BMP2K: variants seen among roughly 807,000 people sequenced by gnomAD.
The protein encoded by BMP2K is BMP2 inducible kinase, also known as BMP-2-inducible protein kinase.
In BMP2K, 74 loss-of-function variants were observed where a neutral mutation model predicts 116.0. The ratio of observed to expected loss-of-function variants is 0.64; its 90% CI spans 0.53 to 0.77. The LOEUF (loss-of-function observed/expected upper bound fraction) is 0.77, where lower values mean the gene tolerates loss of function less well. BMP2K is among the 30% of genes least tolerant of loss of function. The pLI is 0.00. For synonymous variants in BMP2K, 486 were observed against 502.5 expected (o/e 0.97, Z 0.44); for missense variants, 1,365 against 1,403.6 (o/e 0.97, Z 0.44).
chr4:78,806,910 A>G (rs1728849602), intron 1 of BMP2K, among the ~76,000 whole-genome samples: 1 of 149,660 alleles, frequency 6.7e-6, no homozygotes, highest in Non-Finnish European at 1.5e-5. Context: ...GTGCAGTGGC[A>G]TGTCCTCGGC....
chr4:78,776,556 T>C lies in BMP2K; in HGVS notation c.13T>C (p.Ser5Pro). 1 of 1,145,064 alleles carries C rather than the reference T, an allele frequency of 8.7e-7. No individual in the cohort carries two copies. The highest frequency in any genetic ancestry group is 1.1e-6 in the Non-Finnish European group (1 of 928,510). The allele number at this position is 1,145,064 out of a possible 1,614,324, so 70.9% of individuals were successfully genotyped here. A position where few individuals can be genotyped will look rare whatever the true frequency, so the allele number is the denominator to read the frequency against. Residue 5 changes from serine (S) to proline (P), a missense_variant, in exon 1 of 16, where the codon TCT becomes CCT. Coordinates refer to ENST00000502613, the MANE Select transcript of BMP2K (RefSeq NM_198892.2). MKKF[S>P]RMPKSEGGSG... is the part of the protein sequence containing the mutation. ...CGCCGGCGGGACCATGAAGAAGTTC[T>C]CTCGGATGCCCAAGTCGGAGGGCGG...
intron 1 of BMP2K, among the ~76,000 whole-genome samples, chr4:78,823,382 A>G (rs1729713260): frequency 6.6e-6 from 1 of 151,516 alleles, no homozygotes; most frequent in Admixed American, 6.6e-5. Context: ...ATTTGGGGGA[A>G]CTCTTTTCCC....
intron 1 of BMP2K, among the ~76,000 whole-genome samples, chr4:78,822,567 G>C (rs972391580): frequency 6.6e-6 from 1 of 151,932 alleles, no homozygotes; most frequent in Non-Finnish European, 1.5e-5. Flanking sequence ...ATCAATATCT[G>C]TCACAATTTT....
chr4:78,776,528 G>C lies in BMP2K; in HGVS notation c.-16G>C, dbSNP rs1317030522. 1.9e-5 allele frequency: 22 copies of C among 1,140,320 alleles called. No homozygotes were observed. Among genetic ancestry groups the C allele is most frequent in the Non-Finnish European group, 2.3e-5 (21 of 926,054 alleles). The allele number at this position is 1,140,320 out of a possible 1,614,324, so 70.6% of individuals were successfully genotyped here. A position where few individuals can be genotyped will look rare whatever the true frequency, so the allele number is the denominator to read the frequency against. On this transcript the variant is annotated 5_prime_UTR_variant, in exon 1 of 16. Coordinates refer to ENST00000502613, the MANE Select transcript of BMP2K (RefSeq NM_198892.2). ...CCTTGCACGCTCCCTGCGCCCTCCA[G>C]CTCGCCGGCGGGACCATGAAGAAGT... is the stretch of plus-strand genomic sequence containing the variant.
At chr4:78,858,693 A>G (rs1731618979) in intron 7 of BMP2K, among the ~76,000 whole-genome samples, 1 of 151,886 alleles carries the variant, frequency 6.6e-6, no homozygotes, top group African/African-American at 2.4e-5. Context: ...CTCTCTATAC[A>G]TTATTTTATT....
intron 15 of BMP2K, among the ~76,000 whole-genome samples, chr4:78,892,206 G>C (rs1295180996): frequency 6.6e-6 from 1 of 152,002 alleles, no homozygotes; most frequent in African/African-American, 2.4e-5. Context: ...GAAGCAAACT[G>C]GGCTTCAAGT....
chr4:78,796,714 T>C (rs1342768828), intron 1 of BMP2K, among the ~76,000 whole-genome samples: 1 of 152,178 alleles, frequency 6.6e-6, no homozygotes, highest in Non-Finnish European at 1.5e-5. Context: ...GGGCCTGATA[T>C]TCTGGTGAGA....
At chr4:78,890,856 C>T (rs559407745) in intron 15 of BMP2K, among the ~76,000 whole-genome samples, 2 of 152,216 alleles carry the variant, frequency 1.3e-5, no homozygotes, top group South Asian at 2.1e-4. Context: ...AAAGCAACTC[C>T]TCTAGTTGTT....
chr4:78,799,671 A>G (rs1728472152), intron 1 of BMP2K, among the ~76,000 whole-genome samples: 2 of 152,222 alleles, frequency 1.3e-5, no homozygotes, highest in Non-Finnish European at 2.9e-5. Flanking sequence ...GGCTGTGTCT[A>G]GACTTATCTC....
chr4:78,861,290 A>T, intron 8 of BMP2K, 99 bp from the exon 9 acceptor site: 1 of 854,870 alleles, frequency 1.2e-6, no homozygotes, highest in Non-Finnish European at 1.8e-6. Context: ...AGTGTCTCAT[A>T]GTACTTTTAA....
In BMP2K at chr4:78,911,658, C is replaced by A. The variant is rs1385816736; in HGVS notation, c.3111C>A (p.Thr1037=). The A allele has an allele frequency of 2.5e-6, 4 of 1,613,902 alleles. No individual in the cohort carries two copies. The highest frequency in any genetic ancestry group is 3.4e-6 in the Non-Finnish European group (4 of 1,179,854). ...CTCAAAGTAGCAATGAATTTTTAAC[C>A]ATCTCAGACTCCAAGGAGAACATTA... The part of the protein sequence containing the change: ...RDSQSSNEFL[T]ISDSKENISV... The change falls in exon 16 of 16, where the codon ACC becomes ACA. Residue 1037 remains threonine, a synonymous_variant. Transcript: ENST00000502613.
At chr4:78,800,260 T>C (rs1210547904) in intron 1 of BMP2K, among the ~76,000 whole-genome samples, 1 of 152,196 alleles carries the variant, frequency 6.6e-6, no homozygotes, top group Admixed American at 6.5e-5. Context: ...AGTAGTCCTA[T>C]CCTCCCCTTC....
intron 15 of BMP2K, among the ~76,000 whole-genome samples, chr4:78,904,476 T>G (rs1161341999): frequency 6.6e-6 from 1 of 151,978 alleles, no homozygotes; most frequent in South Asian, 2.1e-4. Context: ...GTAATTTTCC[T>G]GAGAGACTGT....
At position 78,848,211 on chromosome 4, in the gene BMP2K, C is replaced by G. The variant is rs1216186057; in HGVS notation, c.750+942C>G. ...ATCTATATAACATATATACATTCACCAAACAGTAATTCTTGTGGTAGATGA... is the reference window on the plus strand; with the variant it reads ...ATCTATATAACATATATACATTCACGAAACAGTAATTCTTGTGGTAGATGA... On this transcript the variant is annotated intron_variant, in intron 6 of 15. Transcript: ENST00000502613. 2.0e-5 allele frequency among the ~76,000 whole-genome samples: 3 copies of G among 151,166 alleles called. No homozygotes were observed. In the East Asian group the frequency reaches 5.8e-4, roughly 29 times the overall value.
rs142893065 is a variant in BMP2K at position 78,873,076 on chromosome 4, G to T, written c.1793+278G>T. Among the ~76,000 whole-genome samples the T allele has an allele frequency of 9.0e-3, 1,373 of 151,982 alleles. 10 individuals carry two copies. The highest frequency in any genetic ancestry group is 0.014 in the Non-Finnish European group (930 of 67,974). The stretch of plus-strand genomic sequence containing the variant: ...TGGCTTGTATGTAAAGGCATTTTTG[G>T]TAATGTAAGTATAAACAACACCCTA... On this transcript the variant is annotated intron_variant, in intron 13 of 15. Transcript: ENST00000502613.
chr4:78,893,661 C>T (rs922098943), intron 15 of BMP2K, among the ~76,000 whole-genome samples: 4 of 152,202 alleles, frequency 2.6e-5, no homozygotes, highest in Admixed American at 2.6e-4. Flanking sequence ...CTCCTGGGCT[C>T]CAGTGATCCT....
rs144293085 is a variant in BMP2K, at chr4:78,852,936, G to A, written c.883+1880G>A. 8.1e-3 allele frequency among the ~76,000 whole-genome samples: 1,225 copies of A among 152,086 alleles called. 25 individuals carry two copies. The highest frequency in any genetic ancestry group is 0.028 in the African/African-American group (1,173 of 41,508). ...TTATTCTTTATATTTTTCAAATGTG[G>A]CCTTTTGTGTCTTTTGCCATTTTAT... On this transcript the variant is annotated intron_variant, in intron 7 of 15. Transcript: ENST00000502613.
intron 1 of BMP2K, among the ~76,000 whole-genome samples, chr4:78,780,728 A>G (rs1727464360): frequency 6.6e-6 from 1 of 152,224 alleles, no homozygotes; most frequent in Admixed American, 6.5e-5. Flanking sequence ...GCTACTTAAC[A>G]TAGTAGAGGA....
chr4:78,846,128 C>T (rs897615873), intron 5 of BMP2K, among the ~76,000 whole-genome samples: 1 of 151,630 alleles, frequency 6.6e-6, no homozygotes, highest in African/African-American at 2.4e-5. Flanking sequence ...TTATTTCTTG[C>T]TGTTGCCTTT....
Sources: gnomAD v4.1 joint callset for allele counts (sites outside exome capture counted in the v4.1 genomes callset) on GRCh38, gnomAD v4.1.1 for gene constraint, MANE v1.5 for transcripts, NCBI Gene and HGNC (gene_info 2026-07-23, HGNC 2026-07-21) for gene names.